The following SLC16A10 variants were observed in gnomAD, a reference collection of about 807,000 sequenced individuals.
The protein encoded by SLC16A10 is monocarboxylate transporter 10.
SLC16A10 carries 27 observed loss-of-function variants against 40.0 expected under a neutral mutation model. The ratio of observed to expected loss-of-function variants is 0.67; its 90% CI spans 0.50 to 0.93. The LOEUF (loss-of-function observed/expected upper bound fraction) is 0.93, where lower values mean the gene tolerates loss of function less well. SLC16A10 is among the 40% of genes least tolerant of loss of function. SLC16A10 has a pLI of 0.00. For missense variants in SLC16A10, 529 were observed against 658.2 expected (o/e 0.80, Z 2.15); for synonymous variants, 213 against 249.8 (o/e 0.85, Z 1.39).
At chr6:111,220,640 C>T (rs905569779) in intron 5 of SLC16A10, among the ~76,000 whole-genome samples, 19 of 152,338 alleles carry the variant, frequency 1.2e-4, no homozygotes, top group African/African-American at 4.3e-4. Context: ...GAGAACCCTC[C>T]ATTCCTTCTT....
intron 1 of SLC16A10, among the ~76,000 whole-genome samples, chr6:111,140,044 A>G (rs763876644): frequency 3.1e-4 from 47 of 152,204 alleles, no homozygotes; most frequent in Non-Finnish European, 5.9e-4. Context: ...CAAAAAAGAT[A>G]ACTCTTGGTT....
chr6:111,120,802 G>A (rs981213353), intron 1 of SLC16A10, among the ~76,000 whole-genome samples: 4 of 152,220 alleles, frequency 2.6e-5, no homozygotes, highest in Non-Finnish European at 5.9e-5. Flanking sequence ...CCCAATCATT[G>A]TGGAGTGCTT....
chr6:111,172,677 CT>C lies in SLC16A10; in HGVS notation c.344-15del. 2 of 1,609,022 alleles carry C rather than the reference CT, an allele frequency of 1.2e-6. No homozygotes were observed. The highest frequency in any genetic ancestry group is 1.7e-6 in the Non-Finnish European group (2 of 1,176,230). ...TTACCATGTCATAATTCCCCCCACG[CT>C]TTCCCTTCTTTTACAGCATGGGTAG... On this transcript the variant is annotated splice_polypyrimidine_tract_variant and intron_variant, in intron 1 of 5. Transcript: ENST00000368851.
At chr6:111,090,543 A>G (rs1231198067) in intron 1 of SLC16A10, among the ~76,000 whole-genome samples, 1 of 152,228 alleles carries the variant, frequency 6.6e-6, no homozygotes, top group African/African-American at 2.4e-5. Context: ...TAGTGCTGAA[A>G]AAATGGTTAC....
chr6:111,118,985 G>A (rs1308934640), intron 1 of SLC16A10, among the ~76,000 whole-genome samples: 1 of 152,194 alleles, frequency 6.6e-6, no homozygotes. Flanking sequence ...GCTGAAGAAG[G>A]CAGGGATGGG....
At chr6:111,166,594 A>C (rs9320362) in intron 1 of SLC16A10, among the ~76,000 whole-genome samples, 6,651 of 152,322 alleles carry the variant, frequency 0.044, 342 homozygotes, top group African/African-American at 0.13. Flanking sequence ...GAGCTACCAA[A>C]GGGCAAAAAA....
intron 1 of SLC16A10, among the ~76,000 whole-genome samples, chr6:111,099,447 G>A (rs2114436941): frequency 6.6e-6 from 1 of 152,064 alleles, no homozygotes; most frequent in Admixed American, 6.6e-5. Flanking sequence ...CGAGTAGCTG[G>A]GACCACAGGC....
chr6:111,192,749 C>T (rs955518896), intron 3 of SLC16A10, among the ~76,000 whole-genome samples: 6 of 152,122 alleles, frequency 3.9e-5, no homozygotes, highest in Non-Finnish European at 5.9e-5. Flanking sequence ...ATGTCTTACA[C>T]GGCAGGAGGC....
chr6:111,168,370 G>T (rs1772517899), intron 1 of SLC16A10, among the ~76,000 whole-genome samples: 1 of 152,182 alleles, frequency 6.6e-6, no homozygotes, highest in African/African-American at 2.4e-5. Context: ...GAACTTAATA[G>T]AAGTACTACC....
At chr6:111,144,259 A>G (rs1298068080) in intron 1 of SLC16A10, among the ~76,000 whole-genome samples, 1 of 152,134 alleles carries the variant, frequency 6.6e-6, no homozygotes, top group East Asian at 1.9e-4. Context: ...GCTGGAGTGC[A>G]GTGGCACGAT....
intron 1 of SLC16A10, among the ~76,000 whole-genome samples, chr6:111,169,911 T>TTTTC (rs1254643179): frequency 1.9e-4 from 13 of 69,756 alleles, no homozygotes; most frequent in Non-Finnish European, 3.3e-4. Flanking sequence ...TTTTCTTTTC[T>TTTTC]TTTCTTTCTT....
intron 1 of SLC16A10, among the ~76,000 whole-genome samples, chr6:111,139,092 C>CTTCTTTTTTTTTTTTTT (rs202229156): frequency 8.4e-6 from 1 of 118,894 alleles, no homozygotes; most frequent in African/African-American, 3.2e-5. Flanking sequence ...TCTTCTTCTT[C>CTTCTTTTTTTTTTTTTT]TTTTTTTTTT....
chr6:111,182,624 A>G (rs1772819939), intron 3 of SLC16A10, among the ~76,000 whole-genome samples: 1 of 152,120 alleles, frequency 6.6e-6, no homozygotes, highest in Non-Finnish European at 1.5e-5. Flanking sequence ...CCAGAGCTGT[A>G]TATCCAGCTG....
intron 4 of SLC16A10, among the ~76,000 whole-genome samples, chr6:111,209,023 C>A (rs886122677): frequency 1.3e-5 from 2 of 151,928 alleles, no homozygotes; most frequent in East Asian, 3.9e-4. Context: ...CATAGTGAGA[C>A]CTCATCTCTA....
intron 1 of SLC16A10, among the ~76,000 whole-genome samples, chr6:111,119,848 C>T (rs754265642): frequency 6.6e-6 from 1 of 152,226 alleles, no homozygotes; most frequent in Non-Finnish European, 1.5e-5. Context: ...ATAATACTGG[C>T]AGGCTTGCTG....
At chr6:111,218,219 A>T in intron 4 of SLC16A10, among the ~76,000 whole-genome samples, 1 of 150,550 alleles carries the variant, frequency 6.6e-6, no homozygotes, top group South Asian at 2.1e-4. Flanking sequence ...CCAAAGATGA[A>T]TTTTTTTTTT....
intron 1 of SLC16A10, among the ~76,000 whole-genome samples, chr6:111,137,376 CA>C (rs1438673467): frequency 6.6e-6 from 1 of 152,228 alleles, no homozygotes; most frequent in African/African-American, 2.4e-5. Context: ...CAGGCCTTTT[CA>C]AAACTATGAA....
intron 1 of SLC16A10, among the ~76,000 whole-genome samples, chr6:111,151,455 A>C (rs1169492893): frequency 6.6e-6 from 1 of 152,076 alleles, no homozygotes; most frequent in African/African-American, 2.4e-5. Flanking sequence ...CATCACTCAC[A>C]TCTCTCAAAT....
chr6:111,192,094 GC>G (rs1424173360), intron 3 of SLC16A10, among the ~76,000 whole-genome samples: 2 of 152,150 alleles, frequency 1.3e-5, no homozygotes, highest in African/African-American at 4.8e-5. Context: ...CTTTGCCCAT[GC>G]CTATGTCCTG....
Sources: allele counts gnomAD v4.1 joint callset (sites outside exome capture counted in the v4.1 genomes callset), GRCh38; gene constraint gnomAD v4.1.1; transcripts MANE v1.5; gene names NCBI Gene and HGNC (gene_info 2026-07-23, HGNC 2026-07-21).